Variants in SYTL2 observed in about 807,000 individuals in gnomAD.
SYTL2 encodes synaptotagmin like 2, also known as synaptotagmin-like protein 2.
In SYTL2, 165 loss-of-function variants were observed where a neutral mutation model predicts 198.7. The ratio of observed to expected loss-of-function variants is 0.83; its 90% confidence interval spans 0.73 to 0.94. SYTL2 has a LOEUF of 0.94. SYTL2 is among the 40% of genes least tolerant of loss of function. The pLI, the probability that SYTL2 is intolerant of heterozygous loss-of-function variation, is 0.00. For missense variants in SYTL2, 2,835 were observed against 2,582.8 expected (o/e 1.10, Z -2.12); for synonymous variants, 966 against 917.7 (o/e 1.05, Z -0.95).
chr11:85,719,345 G>C, intron 9 of SYTL2: 1 of 1,145,552 alleles, frequency 8.7e-7, no homozygotes, highest in Non-Finnish European at 1.1e-6. Flanking sequence ...TAGTGTGAGA[G>C]TGGGTATCAG....
In SYTL2 at chr11:85,695,236, G is replaced by A; in HGVS notation, c.6679C>T (p.Leu2227=). The A allele has an allele frequency of 1.9e-6, 3 of 1,612,984 alleles. No individual in the cohort carries two copies. Among genetic ancestry groups the A allele is most frequent in the Non-Finnish European group, 2.5e-6 (3 of 1,179,298 alleles). Residue 2227 remains leucine (L), a synonymous_variant, in exon 20 of 20, where the codon CTG becomes TTG. Transcript: ENST00000359152. ...GCAATCAAAAGCATTCTGAGAGGCA[G>A]TGTTGCTTCAATCCAAGTATTGGGG... is the stretch of plus-strand genomic sequence containing the variant. The part of the protein sequence containing the change: ...NSPNTWIEAT[L]PLRMLLIAKI...
chr11:85,834,431 G>C, the SYTL2 span, among the ~76,000 whole-genome samples: 15 of 151,996 alleles, frequency 9.9e-5, 1 homozygote, highest in South Asian at 3.1e-3. Context: ...GCTTAGGAAG[G>C]CTGTTTCTAT....
Position 85,780,218 on chromosome 11 carries a change from CTCA to C in SYTL2, c.-389-22107_-389-22105del, listed in dbSNP as rs1176479058. 4.6e-5 allele frequency among the ~76,000 whole-genome samples: 7 copies of C among 152,318 alleles called. No individual in the cohort carries two copies. The South Asian group carries it at 8.3e-4, about 18-fold the overall frequency. ...AGTCATTCTTTCAATAGTGCTTATG[CTCA>C]TCTAAAGAGTAGGATAATTTTCCAC... is the stretch of plus-strand genomic sequence containing the variant. On this transcript the variant is annotated intron_variant, in intron 1 of 19. Transcript: ENST00000359152.
intron 1 of SYTL2, among the ~76,000 whole-genome samples, chr11:85,809,772 G>A (rs1043060331): frequency 3.3e-5 from 5 of 152,166 alleles, no homozygotes; most frequent in Admixed American, 3.3e-4. Context: ...CCCTGCTGCC[G>A]TCCCCACACC....
At chr11:85,833,146 GGAAGGAAGGAAAGAAAGAAA>G in the SYTL2 span, among the ~76,000 whole-genome samples, 387 of 82,696 alleles carry the variant, frequency 4.7e-3, 21 homozygotes, top group African/African-American at 0.016. Context: ...AAGGAAGGAA[GGAAGGAAGGAAAGAAAGAAA>G]GAAAGAAAGA....
At chr11:85,830,346 AG>A in the SYTL2 span, among the ~76,000 whole-genome samples, 2,278 of 152,014 alleles carry the variant, frequency 0.015, 27 homozygotes, top group African/African-American at 0.033. Flanking sequence ...TTTCATTCTG[AG>A]AAAAAAATGG....
intron 2 of SYTL2, among the ~76,000 whole-genome samples, chr11:85,753,313 C>T (rs117829597): frequency 6.6e-6 from 1 of 152,138 alleles, no homozygotes; most frequent in Admixed American, 6.5e-5. Flanking sequence ...CACTGCTGGT[C>T]TGTGAAATGT....
intron 1 of SYTL2, among the ~76,000 whole-genome samples, chr11:85,809,048 T>C (rs1018879869): frequency 2.0e-5 from 3 of 152,166 alleles, no homozygotes; most frequent in African/African-American, 7.2e-5. Context: ...TAGACTAGCA[T>C]CTGGGTTTTG....
chr11:85,788,342 T>G (rs183698787), intron 1 of SYTL2, among the ~76,000 whole-genome samples: 1 of 152,180 alleles, frequency 6.6e-6, no homozygotes, highest in Non-Finnish European at 1.5e-5. Context: ...GTTTGTGAGA[T>G]GAGTCATATT....
chr11:85,759,836 T>C (rs1467533719), intron 1 of SYTL2, among the ~76,000 whole-genome samples: 1 of 152,176 alleles, frequency 6.6e-6, no homozygotes, highest in Non-Finnish European at 1.5e-5. Flanking sequence ...GAAAACTACT[T>C]ACCCTTCAAG....
At chr11:85,818,156 G>T in the SYTL2 span, among the ~76,000 whole-genome samples, 1 of 152,000 alleles carries the variant, frequency 6.6e-6, no homozygotes, top group East Asian at 1.9e-4. Flanking sequence ...ACCTGCCCCA[G>T]CCTCCCAAAG....
At chr11:85,837,324 G>A in the SYTL2 span, among the ~76,000 whole-genome samples, 1 of 152,124 alleles carries the variant, frequency 6.6e-6, no homozygotes, top group Non-Finnish European at 1.5e-5. Context: ...CATAAGAAGA[G>A]GAAGACCTAG....
chr11:85,698,498 C>A (rs144322362), intron 17 of SYTL2, among the ~76,000 whole-genome samples: 1 of 151,972 alleles, frequency 6.6e-6, no homozygotes, highest in Admixed American at 6.6e-5. Flanking sequence ...ATAAAGTAAC[C>A]AAAACAGGTA....
chr11:85,842,372 C>T, the SYTL2 span, among the ~76,000 whole-genome samples: 1 of 152,218 alleles, frequency 6.6e-6, no homozygotes, highest in African/African-American at 2.4e-5. Context: ...TCAGGACCAT[C>T]CTCAACTGAT....
the SYTL2 span, among the ~76,000 whole-genome samples, chr11:85,833,903 T>C: frequency 6.6e-6 from 1 of 152,076 alleles, no homozygotes; most frequent in South Asian, 2.1e-4. Context: ...CATGCCCGGC[T>C]AATTTTTGTA....
the SYTL2 span, among the ~76,000 whole-genome samples, chr11:85,833,104 AAGGAAGGAAG>A: frequency 1.4e-4 from 8 of 57,902 alleles, no homozygotes; most frequent in East Asian, 4.4e-4. Context: ...AGAAAGAAGG[AAGGAAGGAAG>A]GAAGGAAGGA....
At chr11:85,788,343 G>A (rs1158679080) in intron 1 of SYTL2, among the ~76,000 whole-genome samples, 1 of 152,154 alleles carries the variant, frequency 6.6e-6, no homozygotes, top group South Asian at 2.1e-4. Flanking sequence ...TTTGTGAGAT[G>A]AGTCATATTA....
In SYTL2 at chr11:85,726,840, C is replaced by A; in HGVS notation, c.2518G>T (p.Asp840Tyr). The A allele has an allele frequency of 6.5e-7, 1 of 1,536,504 alleles. No individual in the cohort carries two copies. Residue 840 changes from aspartate to tyrosine, a missense_variant, in exon 8 of 20, where the codon GAC (aspartate) becomes TAC (tyrosine). Physicochemically the swap from Asp to Tyr is radical, Grantham distance 160 (BLOSUM62 -3). This residue lies in a region of SYTL2 where 2,645 missense variants were observed against 2,381.7 expected (regional missense o/e 1.11). Coordinates refer to ENST00000359152, the MANE Select transcript of SYTL2 (RefSeq NM_206927.4). The stretch of plus-strand genomic sequence containing the variant: ...TCACTCTGGTCTGTAGATAAACTGT[C>A]CATGGATGATACACCCTGTGACTTC... Reference protein sequence around the residue: ...VKKSQGVSSMDSLSTDQSEYN... With the variant: ...VKKSQGVSSMYSLSTDQSEYN...
chr11:85,727,474 T>C lies in SYTL2; in HGVS notation c.1884A>G (p.Pro628=), dbSNP rs752800139. Residue 628 remains proline (P), a synonymous_variant, in exon 8 of 20, where the codon CCA becomes CCG. Transcript: ENST00000359152. ...AGCTTTCAAATGGTTGCAATATACC[T>C]GGGCCTTCCTTTGGGGTGCCTTTTT... ...LSQKGTPKEG[P]GILQPFESYG... is the part of the protein sequence containing the mutation. 2 of 1,536,176 alleles carry C rather than the reference T, an allele frequency of 1.3e-6. No individual in the cohort carries two copies. Among genetic ancestry groups the C allele is most frequent in the Non-Finnish European group, 8.7e-7 (1 of 1,146,900 alleles).
Sources: allele counts gnomAD v4.1 joint callset (sites outside exome capture counted in the v4.1 genomes callset), GRCh38; gene constraint gnomAD v4.1.1; regional missense constraint gnomAD v4.1.1; transcripts MANE v1.5; gene names NCBI Gene and HGNC (gene_info 2026-07-23, HGNC 2026-07-21).